NAV2: variants seen among roughly 807,000 people sequenced by gnomAD.
NAV2 encodes the protein helicase, APC down-regulated 1.
NAV2 carries 54 observed loss-of-function variants against 223.2 expected under a neutral mutation model. The observed-to-expected ratio is 0.24, with a 90% CI of 0.19 to 0.30. The LOEUF (loss-of-function observed/expected upper bound fraction) is 0.30. NAV2 is among the 10% of genes least tolerant of loss of function. NAV2 has a pLI of 1.00. For synonymous variants in NAV2, 1,279 were observed against 1,239.3 expected, an observed-to-expected ratio of 1.03 and a Z score of -0.67; for missense variants, 2,806 against 3,147.5, an observed-to-expected ratio of 0.89 and a Z score of 2.60.
chr11:19,408,709 GA>G (rs1347301421), intron 1 of NAV2, among the ~76,000 whole-genome samples: 2 of 152,188 alleles, frequency 1.3e-5, no homozygotes, highest in Non-Finnish European at 2.9e-5. Context: ...TGAGAAAACT[GA>G]GGCTGAAAGA....
intron 11 of NAV2, among the ~76,000 whole-genome samples, chr11:20,025,772 A>T (rs950662874): frequency 6.6e-6 from 1 of 152,174 alleles, no homozygotes; most frequent in Non-Finnish European, 1.5e-5. Context: ...CCGTCTGTAG[A>T]CGTTGCTTCT....
Position 19,611,152 on chromosome 11 carries a change from A to G in NAV2, c.76-221332A>G, listed in dbSNP as rs1346626027. ...AAGCAAAAGCAGAAACCCCTGATAA[A>G]CCCATCAGATCTCGTGAGACTTATT... On this transcript the variant is annotated intron_variant, in intron 1 of 37. Transcript: ENST00000360655. 2.6e-5 allele frequency among the ~76,000 whole-genome samples: 4 copies of G among 152,102 alleles called. No homozygotes were observed. In the South Asian group the frequency reaches 6.2e-4, roughly 24 times the overall value.
intron 1 of NAV2, chr11:19,401,951 C>T (rs759938260): frequency 3.9e-5 from 6 of 152,206 alleles, no homozygotes; most frequent in Non-Finnish European, 5.9e-5. Flanking sequence ...CAGACGAGAT[C>T]GGGCGCATTC....
chr11:19,657,479 G>A (rs1289890225), intron 1 of NAV2, among the ~76,000 whole-genome samples: 1 of 152,236 alleles, frequency 6.6e-6, no homozygotes, highest in African/African-American at 2.4e-5. Flanking sequence ...TCCAGAGGCA[G>A]ATGGTCAAGT....
Position 20,120,573 on chromosome 11 carries a change from C to A in NAV2, c.*2315C>A, listed in dbSNP as rs2063425228. On this transcript the variant is annotated 3_prime_UTR_variant, in exon 38 of 38. Coordinates refer to ENST00000349880, the MANE Select transcript of NAV2 (RefSeq NM_145117.5). Reference sequence around the variant, plus strand: ...TTTCCAATCACCTTGTGAGTAGACACCTGCCAATATTGTTTGAAACCTTTT... The same window carrying A: ...TTTCCAATCACCTTGTGAGTAGACAACTGCCAATATTGTTTGAAACCTTTT... 6.6e-6 allele frequency: 1 copy of A among 152,594 alleles called. No homozygotes were observed. Among genetic ancestry groups the A allele is most frequent in the Non-Finnish European group, 1.5e-5 (1 of 68,036 alleles). The allele number at this position is 152,594 out of a possible 1,614,324, so 9.5% of individuals were successfully genotyped here.
chr11:19,978,096 A>C (rs1009936075), intron 10 of NAV2, among the ~76,000 whole-genome samples: 2 of 151,942 alleles, frequency 1.3e-5, no homozygotes, highest in South Asian at 4.2e-4. Flanking sequence ...AAGTGCTGGG[A>C]CTACAGGCGT....
At chr11:19,900,607 C>A (rs1024004893) in intron 6 of NAV2, among the ~76,000 whole-genome samples, 1 of 152,012 alleles carries the variant, frequency 6.6e-6, no homozygotes, top group Admixed American at 6.5e-5. Context: ...AGTCACATAC[C>A]CCAAGGGAGT....
chr11:19,877,210 A>G (rs2153078448), intron 4 of NAV2, among the ~76,000 whole-genome samples: 1 of 151,766 alleles, frequency 6.6e-6, no homozygotes, highest in South Asian at 2.1e-4. Context: ...CTCACTTCCC[A>G]TATTGTAAGG....
intron 4 of NAV2, among the ~76,000 whole-genome samples, chr11:19,871,040 C>T (rs1647087534): frequency 6.6e-6 from 1 of 152,156 alleles, no homozygotes; most frequent in South Asian, 2.1e-4. Flanking sequence ...CCCTTGGAGG[C>T]TCTGAGCATG....
intron 25 of NAV2, 92 bp downstream of exon 25, chr11:20,080,301 A>G (rs2060010484): frequency 4.8e-6 from 6 of 1,255,308 alleles, no homozygotes; most frequent in Middle Eastern, 4.0e-4. Flanking sequence ...CAGCCCAGCT[A>G]CTATCTGTGG....
At chr11:20,082,742 C>T (rs1700154767) in intron 25 of NAV2, 1 of 956,106 alleles carries the variant, frequency 1.0e-6, no homozygotes, top group African/African-American at 1.6e-5. Flanking sequence ...TCTGCTGAGC[C>T]AGACTCTGTG....
intron 1 of NAV2, among the ~76,000 whole-genome samples, chr11:19,745,380 C>T (rs2053244416): frequency 6.6e-6 from 1 of 152,190 alleles, no homozygotes; most frequent in Non-Finnish European, 1.5e-5. Context: ...TACAACATTT[C>T]CTTGGGCCCC....
At chr11:19,822,806 G>C (rs899832370) in intron 1 of NAV2, among the ~76,000 whole-genome samples, 4 of 152,132 alleles carry the variant, frequency 2.6e-5, no homozygotes, top group African/African-American at 9.7e-5. Flanking sequence ...AAGAGCAAAG[G>C]CTGGCAATAC....
At position 19,446,677 on chromosome 11, in the gene NAV2, G is replaced by A. The variant is rs539586345; in HGVS notation, c.75+95650G>A. Among the ~76,000 whole-genome samples the A allele has an allele frequency of 1.8e-4, 27 of 152,204 alleles. 1 individual carries two copies. Among genetic ancestry groups the A allele is most frequent in the African/African-American group, 4.6e-4 (19 of 41,502 alleles). On this transcript the variant is annotated intron_variant, in intron 1 of 37. Transcript: ENST00000360655. ...GTGCCTGCCTGCCTGCCTGCCTGCCGCCAGAGTCATCATTAATGCAAACAG... is the reference window on the plus strand; with the variant it reads ...GTGCCTGCCTGCCTGCCTGCCTGCCACCAGAGTCATCATTAATGCAAACAG...
Position 19,682,239 on chromosome 11 carries a change from A to T in NAV2, c.76-150245A>T, listed in dbSNP as rs1330564643. Among the ~76,000 whole-genome samples the T allele has an allele frequency of 7.2e-5, 11 of 152,328 alleles. No individual in the cohort carries two copies. In the East Asian group the frequency reaches 2.1e-3, roughly 29 times the overall value. ...AGAAAGAAAGAAGGGGCTGGTGATA[A>T]TACCATGCTAATAATAATTGCTTCC... is the stretch of plus-strand genomic sequence containing the variant. On this transcript the variant is annotated intron_variant, in intron 1 of 37. Coordinates refer to the NAV2 transcript ENST00000360655.
chr11:19,412,477 G>A (rs189805417), intron 1 of NAV2, among the ~76,000 whole-genome samples: 29 of 152,314 alleles, frequency 1.9e-4, no homozygotes, highest in African/African-American at 6.7e-4. Flanking sequence ...CTGGGGGAAG[G>A]GGCGGCTGTG....
chr11:19,637,063 T>C (rs556123775), intron 1 of NAV2, among the ~76,000 whole-genome samples: 1 of 152,348 alleles, frequency 6.6e-6, no homozygotes, highest in Non-Finnish European at 1.5e-5. Flanking sequence ...TTATGCTTCA[T>C]CCAAGAAAAC....
intron 1 of NAV2, among the ~76,000 whole-genome samples, chr11:19,524,613 A>C (rs1421121446): frequency 1.3e-5 from 2 of 152,178 alleles, no homozygotes; most frequent in Admixed American, 6.5e-5. Flanking sequence ...AGCTGACGTC[A>C]GTACTGGCTT....
At chr11:20,080,761 A>C (rs2060041624) in intron 25 of NAV2, among the ~76,000 whole-genome samples, 3 of 152,190 alleles carry the variant, frequency 2.0e-5, no homozygotes, top group Admixed American at 1.3e-4. Context: ...GTTGTACCTC[A>C]AATAGCAAGT....
Sources: allele counts gnomAD v4.1 joint callset (sites outside exome capture counted in the v4.1 genomes callset), GRCh38; gene constraint gnomAD v4.1.1; transcripts MANE v1.5; gene names NCBI Gene and HGNC (gene_info 2026-07-23, HGNC 2026-07-21).